PRSS23: variants seen among roughly 807,000 people sequenced by gnomAD.
PRSS23 encodes the protein serine protease 23.
A neutral mutation model predicts 34.7 loss-of-function variants in PRSS23; 25 were observed. That is an observed-to-expected ratio of 0.72 (90% CI 0.53 to 1.01). PRSS23 has a LOEUF of 1.01. Ranked by LOEUF, PRSS23 falls within the 50% of genes least tolerant of loss-of-function variation. The pLI is 0.00. For synonymous variants in PRSS23, 176 were observed against 186.6 expected (o/e 0.94, Z 0.46); for missense variants, 445 against 475.6 (o/e 0.94, Z 0.60).
chr11:86,887,920 C>T (rs749480521), intron 2 of PRSS23, among the ~76,000 whole-genome samples: 4 of 151,812 alleles, frequency 2.6e-5, no homozygotes, highest in Admixed American at 2.0e-4. Context: ...TGTGTGGTGG[C>T]GGGCGCCTGT....
intron 2 of PRSS23, among the ~76,000 whole-genome samples, chr11:86,864,401 C>T (rs72969477): frequency 0.12 from 18,027 of 152,156 alleles, 1,303 homozygotes; most frequent in Non-Finnish European, 0.16. Flanking sequence ...TCATGTGTAG[C>T]AGAGGGGCTG....
chr11:86,857,160 G>T lies in PRSS23; in HGVS notation c.206+33567G>T. On this transcript the variant is annotated intron_variant, in intron 2 of 2. Coordinates refer to the PRSS23 transcript ENST00000533902. ...AGATGAAAGGGTTCAGCATGGGGATGACCACAGCGTACATCACTGATGCCA... is the reference window on the plus strand; with the variant it reads ...AGATGAAAGGGTTCAGCATGGGGATTACCACAGCGTACATCACTGATGCCA... 4 of 343,164 alleles carry T rather than the reference G, an allele frequency of 1.2e-5. No homozygotes were observed. The South Asian group carries it at 1.3e-4, about 11-fold the overall frequency. 21.3% of individuals were successfully genotyped at this position (343,164 alleles called of 1,614,324 possible). A position where few individuals can be genotyped will look rare whatever the true frequency, so the allele number is the denominator to read the frequency against.
At chr11:86,832,503 A>G in intron 2 of PRSS23, 1 of 274,380 alleles carries the variant, frequency 3.6e-6, no homozygotes, top group African/African-American at 2.2e-5. Flanking sequence ...AAAGGAATGG[A>G]ACAGATAATA....
chr11:86,940,605 T>A (rs1258976611), intron 2 of PRSS23, among the ~76,000 whole-genome samples: 16 of 152,086 alleles, frequency 1.1e-4, no homozygotes, highest in Admixed American at 1.0e-3. Flanking sequence ...GCTTTCAAAC[T>A]TTTGCCGACT....
intron 2 of PRSS23, chr11:86,936,881 GAA>G (rs5793230): frequency 0.075 from 10,542 of 139,974 alleles, 513 homozygotes; most frequent in Middle Eastern, 0.13. Flanking sequence ...ACAGAGTAAA[GAA>G]AAAAAAAAAA....
chr11:86,896,127 A>C (rs1948873243), intron 2 of PRSS23, among the ~76,000 whole-genome samples: 3 of 152,152 alleles, frequency 2.0e-5, no homozygotes, highest in African/African-American at 2.4e-5. Context: ...ACCCCAACTA[A>C]AACTACCAAT....
chr11:86,884,988 T>A (rs1022208636), intron 2 of PRSS23, among the ~76,000 whole-genome samples: 7 of 152,234 alleles, frequency 4.6e-5, no homozygotes, highest in Admixed American at 1.3e-4. Context: ...TTTGTCTCTG[T>A]CTTCAGTAAA....
At chr11:86,794,040 G>A (rs1260873181) in intron 1 of PRSS23, among the ~76,000 whole-genome samples, 1 of 152,004 alleles carries the variant, frequency 6.6e-6, no homozygotes, top group African/African-American at 2.4e-5. Context: ...CAAAGTAAAG[G>A]AGAAACCTCA....
chr11:86,841,666 T>A (rs1488610306), intron 2 of PRSS23, among the ~76,000 whole-genome samples: 6 of 152,178 alleles, frequency 3.9e-5, no homozygotes, highest in African/African-American at 4.8e-5. Context: ...TCTATGCTAA[T>A]AAACTAGAAA....
At chr11:86,820,030 A>G (rs1468635052) in intron 1 of PRSS23, among the ~76,000 whole-genome samples, 1 of 152,192 alleles carries the variant, frequency 6.6e-6, no homozygotes, top group Non-Finnish European at 1.5e-5. Flanking sequence ...AAAATGTATA[A>G]CTATTCATCA....
At chr11:86,916,937 C>A (rs960918227) in intron 2 of PRSS23, among the ~76,000 whole-genome samples, 7 of 152,220 alleles carry the variant, frequency 4.6e-5, no homozygotes, top group African/African-American at 1.7e-4. Context: ...TACAGCTTAG[C>A]CCAGCACCGA....
intron 2 of PRSS23, among the ~76,000 whole-genome samples, chr11:86,941,426 C>CT (rs1156859131): frequency 1.3e-5 from 2 of 152,210 alleles, no homozygotes; most frequent in African/African-American, 2.4e-5. Flanking sequence ...TCTGTGTCCC[C>CT]TACGGTGCCT....
At chr11:86,939,131 G>A (rs949830666) in intron 2 of PRSS23, 30 of 394,758 alleles carry the variant, frequency 7.6e-5, no homozygotes, top group Non-Finnish European at 1.3e-4. Context: ...AAACACGTAA[G>A]GGAAACGTTT....
At chr11:86,858,777 C>T (rs1264297214) in intron 2 of PRSS23, among the ~76,000 whole-genome samples, 1 of 151,738 alleles carries the variant, frequency 6.6e-6, no homozygotes, top group Non-Finnish European at 1.5e-5. Context: ...ATATGACTCC[C>T]AATATCGCAG....
At chr11:86,870,302 A>G (rs892028379) in intron 2 of PRSS23, among the ~76,000 whole-genome samples, 1 of 151,998 alleles carries the variant, frequency 6.6e-6, no homozygotes, top group Admixed American at 6.6e-5. Flanking sequence ...GTCTTTTCCA[A>G]ATTATCCCAC....
At chr11:86,919,638 A>C (rs1415617415) in intron 2 of PRSS23, among the ~76,000 whole-genome samples, 2 of 152,206 alleles carry the variant, frequency 1.3e-5, no homozygotes, top group Non-Finnish European at 2.9e-5. Context: ...TCTGCCATTA[A>C]GTTGTTACGT....
At chr11:86,905,382 G>C (rs1039985910) in intron 2 of PRSS23, among the ~76,000 whole-genome samples, 15 of 152,142 alleles carry the variant, frequency 9.9e-5, no homozygotes, top group Non-Finnish European at 1.8e-4. Context: ...CCATTCAAAC[G>C]TATGGTGCTC....
At position 86,821,276 on chromosome 11, in the gene PRSS23, T is replaced by C. The variant is rs558207078; in HGVS notation, c.-11-2101T>C. ...AGTAATCCGATGACACAAAAATGTT[T>C]CCTTTTCATATTCATCAAATATCTA... On this transcript the variant is annotated intron_variant, in intron 1 of 2. Transcript: ENST00000533902. The C allele has an allele frequency of 1.7e-5, 9 of 534,266 alleles. No individual in the cohort carries two copies. In the East Asian group the frequency reaches 3.5e-4, roughly 21 times the overall value. The allele number at this position is 534,266 out of a possible 1,614,324, so 33.1% of individuals were successfully genotyped here.
rs1949293010 is a variant in PRSS23 at position 86,951,589 on chromosome 11, C to G, written c.*304C>G. ...AAGTAAAGAGGGGAGCCACCACGAACCCGGTGAGGGCATCGAGATTTTGGT... is the reference window on the plus strand; with the variant it reads ...AAGTAAAGAGGGGAGCCACCACGAAGCCGGTGAGGGCATCGAGATTTTGGT... On this transcript the variant is annotated 3_prime_UTR_variant, in exon 3 of 3. Coordinates refer to the PRSS23 transcript ENST00000533902. 1 of 1,614,088 alleles carries G rather than the reference C, an allele frequency of 6.2e-7. No homozygotes were observed. The highest frequency in any genetic ancestry group is 1.6e-4 in the Middle Eastern group (1 of 6,062).
Sources: allele counts gnomAD v4.1 joint callset (sites outside exome capture counted in the v4.1 genomes callset), GRCh38; gene constraint gnomAD v4.1.1; transcripts MANE v1.5; gene names NCBI Gene and HGNC (gene_info 2026-07-23, HGNC 2026-07-21).